Variants in ZYG11A observed in about 807,000 individuals in gnomAD.
The protein encoded by ZYG11A is protein zyg-11 homolog A.
In ZYG11A, 62 loss-of-function variants were observed where a neutral mutation model predicts 77.2. The observed-to-expected ratio is 0.80, with a 90% CI of 0.65 to 0.99. The LOEUF is 0.99. Ranked by LOEUF, ZYG11A falls within the 50% of genes least tolerant of loss-of-function variation. ZYG11A has a pLI of 0.00. For synonymous variants in ZYG11A, 315 were observed against 324.6 expected (o/e 0.97, Z 0.32); for missense variants, 828 against 896.8 (o/e 0.92, Z 0.98).
chr1:52,846,973 C>T (rs888987613), intron 1 of ZYG11A, among the ~76,000 whole-genome samples: 11 of 151,528 alleles, frequency 7.3e-5, no homozygotes, highest in African/African-American at 1.5e-4. Context: ...TCAGTCTCCC[C>T]AGCAGCTGGG....
Position 52,842,880 on chromosome 1 carries a change from T to C in ZYG11A, c.-4T>C. 6.5e-7 allele frequency: 1 copy of C among 1,530,858 alleles called. No homozygotes were observed. Among genetic ancestry groups the C allele is most frequent in the Non-Finnish European group, 8.8e-7 (1 of 1,138,324 alleles). 94.8% of individuals were successfully genotyped at this position (1,530,858 alleles called of 1,614,324 possible). ...CTTTTTGACGCCCCGCCGCCGGGGT[T>C]GCCATGGTTCATTTCTTGCACCCGG... On this transcript the variant is annotated 5_prime_UTR_variant, in exon 1 of 14. Transcript: ENST00000371528.
chr1:52,851,963 G>C (rs2149989634), intron 1 of ZYG11A, among the ~76,000 whole-genome samples: 1 of 150,364 alleles, frequency 6.7e-6, no homozygotes, highest in South Asian at 2.1e-4. Flanking sequence ...CACCCGGGCT[G>C]GTGTACAGTG....
chr1:52,853,466 G>A (rs1280842093), intron 1 of ZYG11A, among the ~76,000 whole-genome samples: 1 of 152,030 alleles, frequency 6.6e-6, no homozygotes, highest in Non-Finnish European at 1.5e-5. Flanking sequence ...ATCTCTGCTT[G>A]GAGTGTCCCA....
At chr1:52,873,872 T>TA (rs1278266734) in intron 8 of ZYG11A, among the ~76,000 whole-genome samples, 5 of 151,874 alleles carry the variant, frequency 3.3e-5, no homozygotes, top group South Asian at 4.2e-4. Context: ...TAGTCCCAGC[T>TA]ACTCGGGAGG....
chr1:52,877,631 T>A, intron 8 of ZYG11A, 51 bp from the exon 9 acceptor site: 1 of 1,469,460 alleles, frequency 6.8e-7, no homozygotes, highest in Non-Finnish European at 9.1e-7. Context: ...TATACCGCAA[T>A]TGATTATTCA....
chr1:52,869,802 C>T (rs1646107087), intron 8 of ZYG11A, among the ~76,000 whole-genome samples: 1 of 151,720 alleles, frequency 6.6e-6, no homozygotes, highest in African/African-American at 2.4e-5. Flanking sequence ...AGGGGCTCCT[C>T]ACTTCCCAGT....
At chr1:52,876,350 A>G (rs1199338935) in intron 8 of ZYG11A, among the ~76,000 whole-genome samples, 2 of 152,282 alleles carry the variant, frequency 1.3e-5, no homozygotes, top group East Asian at 1.9e-4. Flanking sequence ...GTTTTGCCAT[A>G]TAATATAATG....
rs568309940 is a variant in ZYG11A, at chr1:52,857,730, C to A, written c.989C>A (p.Thr330Asn). Residue 330 changes from threonine to asparagine, a missense_variant, in exon 3 of 14, where the codon ACT becomes AAT. Transcript: ENST00000371528. ...GATGCTGGCTCTTCTGACTTCTTTA[C>A]TACAAAGCAAGGCTTGAGGGTTTGT... is the stretch of plus-strand genomic sequence containing the variant. Reference protein sequence around the residue: ...ATDAGSSDFFTTKQGLRVAGG... With the variant: ...ATDAGSSDFFNTKQGLRVAGG... The A allele has an allele frequency of 5.0e-5, 77 of 1,549,168 alleles. 1 individual carries two copies. The South Asian group carries it at 8.8e-4, about 18-fold the overall frequency.
chr1:52,872,706 C>CCCCG (rs1410487188), intron 8 of ZYG11A, among the ~76,000 whole-genome samples: 1 of 150,210 alleles, frequency 6.7e-6, no homozygotes, highest in East Asian at 2.0e-4. Context: ...CATGGTGAAA[C>CCCCG]CCCGTCTCTA....
intron 1 of ZYG11A, among the ~76,000 whole-genome samples, chr1:52,847,509 A>C (rs1571828065): frequency 6.9e-6 from 1 of 145,170 alleles, no homozygotes. Flanking sequence ...CCAGCCTGTC[A>C]TTTTTTTTTT....
chr1:52,879,123 C>T (rs1263694371), intron 10 of ZYG11A, among the ~76,000 whole-genome samples: 1 of 152,066 alleles, frequency 6.6e-6, no homozygotes, highest in Non-Finnish European at 1.5e-5. Context: ...AGGTATTCTA[C>T]AATTGAGAAA....
chr1:52,867,908 G>C, intron 8 of ZYG11A, 131 bp downstream of exon 8: 1 of 541,400 alleles, frequency 1.8e-6, no homozygotes. Flanking sequence ...CTCCCCAGAA[G>C]AAACTTTCTA....
intron 1 of ZYG11A, among the ~76,000 whole-genome samples, chr1:52,845,303 T>G (rs1255838943): frequency 2.1e-5 from 3 of 140,538 alleles, no homozygotes; most frequent in Non-Finnish European, 4.7e-5. Context: ...CCTAATGGTC[T>G]GTGCTTTTTT....
chr1:52,846,057 T>C (rs1176699263), intron 1 of ZYG11A, among the ~76,000 whole-genome samples: 2 of 151,914 alleles, frequency 1.3e-5, no homozygotes, highest in Non-Finnish European at 2.9e-5. Flanking sequence ...TTTTTCCTTT[T>C]CTTTTGAATT....
chr1:52,869,230 T>C (rs1271466063), intron 8 of ZYG11A, among the ~76,000 whole-genome samples: 1 of 151,114 alleles, frequency 6.6e-6, no homozygotes, highest in Non-Finnish European at 1.5e-5. Flanking sequence ...TTTTTTTTTT[T>C]TTAGCTTTAG....
At chr1:52,852,831 A>G (rs1645739963) in intron 1 of ZYG11A, among the ~76,000 whole-genome samples, 1 of 152,224 alleles carries the variant, frequency 6.6e-6, no homozygotes, top group Non-Finnish European at 1.5e-5. Context: ...CTCTTATATT[A>G]GCCTACAGTC....
rs556076521 is a variant in ZYG11A at position 52,881,466 on chromosome 1, T to C, written c.1750-5T>C. On this transcript the variant is annotated splice_region_variant and splice_polypyrimidine_tract_variant and intron_variant, in intron 10 of 13. Coordinates refer to ENST00000371528, the MANE Select transcript of ZYG11A (RefSeq NM_001004339.3). ...CTGGGGTTCTCTGCTCCATCTGACC[T>C]GTAGAACAACATAGCAGAAGTCAGA... is the stretch of plus-strand genomic sequence containing the variant. The C allele has an allele frequency of 5.8e-6, 9 of 1,543,218 alleles. No individual in the cohort carries two copies. In the South Asian group the frequency reaches 7.3e-5, roughly 12 times the overall value.
rs189774773 is a variant in ZYG11A at position 52,851,458 on chromosome 1, C to G, written c.91-3007C>G. ...TGTCACCCAGGCTGGAATGTAGTGG[C>G]GCGATCTGGGCTCACTACAACCTCT... On this transcript the variant is annotated intron_variant, in intron 1 of 13. Coordinates refer to ENST00000371528, the MANE Select transcript of ZYG11A (RefSeq NM_001004339.3). Among the ~76,000 whole-genome samples the G allele has an allele frequency of 2.5e-3, 382 of 152,160 alleles. 2 individuals carry two copies. Among genetic ancestry groups the G allele is most frequent in the African/African-American group, 8.8e-3 (367 of 41,528 alleles).
Position 52,857,597 on chromosome 1 carries a change from A to G in ZYG11A, c.856A>G (p.Asn286Asp). ...GCTACAGCAGAAGGATATCCTGCCC[A>G]ATGTTGTGTCATTGGATATTTCTGG... is the stretch of plus-strand genomic sequence containing the variant. Reference protein sequence around the residue: ...HLLQQKDILPNVVSLDISGGN... With the variant: ...HLLQQKDILPDVVSLDISGGN... The change falls in exon 3 of 14, where the codon AAT becomes GAT. Residue 286 changes from asparagine to aspartate, a missense_variant. Asn to Asp is a conservative substitution (Grantham distance 23). Transcript: ENST00000371528. The G allele has an allele frequency of 6.4e-7, 1 of 1,551,978 alleles. No homozygotes were observed. The highest frequency in any genetic ancestry group is 1.2e-5 in the South Asian group (1 of 84,050).
Sources: gnomAD v4.1 joint callset for allele counts (sites outside exome capture counted in the v4.1 genomes callset) on GRCh38, gnomAD v4.1.1 for gene constraint, MANE v1.5 for transcripts, NCBI Gene and HGNC (gene_info 2026-07-23, HGNC 2026-07-21) for gene names.